SLAMF6: variants seen among roughly 807,000 people sequenced by gnomAD.
SLAMF6 encodes the protein NK-T-B-antigen.
Under a neutral mutation model 38.3 loss-of-function variants are expected in SLAMF6, and 21 were observed. That is an observed-to-expected ratio of 0.55 (90% CI 0.39 to 0.79). SLAMF6 has a LOEUF of 0.79. Ranked by LOEUF, SLAMF6 falls within the 30% of genes least tolerant of loss-of-function variation. SLAMF6 has a pLI of 0.00. For missense variants in SLAMF6, 341 were observed against 385.3 expected (o/e 0.89, Z 0.96); for synonymous variants, 152 against 146.3 (o/e 1.04, Z -0.28).
chr1:160,515,325 C>A (rs1473750407), intron 1 of SLAMF6, among the ~76,000 whole-genome samples: 1 of 152,034 alleles, frequency 6.6e-6, no homozygotes, highest in Non-Finnish European at 1.5e-5. Flanking sequence ...AAGCTGAATC[C>A]CTGAATAGAC....
intron 2 of SLAMF6, among the ~76,000 whole-genome samples, chr1:160,492,186 G>C (rs1252418061): frequency 1.3e-5 from 2 of 152,154 alleles, no homozygotes. Flanking sequence ...AGACAGAAAA[G>C]GCCACTGACT....
At chr1:160,499,937 A>T (rs1653796199) in intron 1 of SLAMF6, among the ~76,000 whole-genome samples, 1 of 152,244 alleles carries the variant, frequency 6.6e-6, no homozygotes, top group Non-Finnish European at 1.5e-5. Context: ...ACATGGGTGA[A>T]TACCACAAGC....
intron 1 of SLAMF6, among the ~76,000 whole-genome samples, chr1:160,502,323 T>C (rs921335364): frequency 2.0e-5 from 3 of 152,172 alleles, no homozygotes; most frequent in Admixed American, 2.0e-4. Flanking sequence ...AAGCTTTCCT[T>C]TGAGACTCTC....
At chr1:160,490,030 A>G in intron 5 of SLAMF6, 168 bp downstream of exon 5, 1 of 803,206 alleles carries the variant, frequency 1.2e-6, no homozygotes, top group Non-Finnish European at 2.1e-6. Flanking sequence ...CCTGTGAACC[A>G]TGTAGGACCC....
At position 160,486,723 on chromosome 1, in the gene SLAMF6, A is replaced by T; in HGVS notation, c.983T>A (p.Leu328His). ...TTCAGCAACTTACACGACATTGTCA[A>T]GGGCAGTTGCCCTGGAAAAAGTGGG... ...SKPTFSRATA[L>H]DNVV The change falls in exon 8 of 8, where the codon CTT (leucine) becomes CAT (histidine). Residue 328 changes from leucine (L) to histidine (H), a missense_variant. Transcript: ENST00000368057. 1 of 1,613,924 alleles carries T rather than the reference A, an allele frequency of 6.2e-7. No individual in the cohort carries two copies. The highest frequency in any genetic ancestry group is 1.7e-5 in the Admixed American group (1 of 60,002).
intron 5 of SLAMF6, 136 bp from the exon 6 acceptor site, chr1:160,489,306 G>T: frequency 1.3e-6 from 1 of 761,622 alleles, no homozygotes; most frequent in Non-Finnish European, 2.2e-6. Context: ...GGGATCATTC[G>T]TTCTTGACAG....
At chr1:160,492,122 C>G (rs910984222) in intron 2 of SLAMF6, among the ~76,000 whole-genome samples, 12 of 141,436 alleles carry the variant, frequency 8.5e-5, no homozygotes, top group African/African-American at 2.9e-4. Context: ...GAGCAAAGAC[C>G]AGGAAATATT....
intron 7 of SLAMF6, 88 bp downstream of exon 7, chr1:160,487,016 T>C: frequency 8.2e-7 from 1 of 1,214,544 alleles, no homozygotes. Context: ...ATCTGTAAAA[T>C]GACCCTTTTA....
At chr1:160,505,466 A>G in intron 1 of SLAMF6, among the ~76,000 whole-genome samples, 1 of 152,142 alleles carries the variant, frequency 6.6e-6, no homozygotes, top group East Asian at 1.9e-4. Context: ...CAGTGGTGTG[A>G]TCTCAGCTCA....
chr1:160,511,583 G>A (rs111859033), intron 1 of SLAMF6, among the ~76,000 whole-genome samples: 3,915 of 152,120 alleles, frequency 0.026, 103 homozygotes, highest in East Asian at 0.11. Context: ...AAAATGTATC[G>A]ATCACCTAAA....
chr1:160,488,951 C>A, intron 6 of SLAMF6, 137 bp downstream of exon 6: 1 of 752,664 alleles, frequency 1.3e-6, no homozygotes, highest in Middle Eastern at 2.3e-4. Flanking sequence ...TAGCGCATAA[C>A]TTTGCAGCCC....
intron 1 of SLAMF6, among the ~76,000 whole-genome samples, chr1:160,496,861 G>A (rs1315103337): frequency 6.6e-6 from 1 of 152,052 alleles, no homozygotes; most frequent in Non-Finnish European, 1.5e-5. Context: ...CTGGTAACAG[G>A]GACTAATATC....
Position 160,490,181 on chromosome 1 carries a change from A to G in SLAMF6, c.796+17T>C, listed in dbSNP as rs1653206971. 1 of 1,613,440 alleles carries G rather than the reference A, an allele frequency of 6.2e-7. No homozygotes were observed. ...CCATCTGCTTTATGATGGAGAGTTA[A>G]GAGTCTGAATGCTCACCGGGGCCCT... On this transcript the variant is annotated intron_variant, in intron 5 of 7. Coordinates refer to ENST00000368057, the MANE Select transcript of SLAMF6 (RefSeq NM_001184714.2).
chr1:160,521,232 T>A (rs1297750577), intron 1 of SLAMF6, among the ~76,000 whole-genome samples: 1 of 152,314 alleles, frequency 6.6e-6, no homozygotes, highest in African/African-American at 2.4e-5. Context: ...TCAGAACACC[T>A]GCATCTGCCT....
intron 1 of SLAMF6, among the ~76,000 whole-genome samples, chr1:160,498,705 C>T (rs1653725011): frequency 2.6e-5 from 4 of 152,074 alleles, no homozygotes; most frequent in Admixed American, 1.3e-4. Flanking sequence ...ATATCAAAAA[C>T]CAAACCAGCA....
rs375348240 is a variant in SLAMF6, at chr1:160,486,449, G to T, written c.*258C>A. 9 of 442,848 alleles carry T rather than the reference G, an allele frequency of 2.0e-5. No individual in the cohort carries two copies. In the South Asian group the frequency reaches 2.4e-4, roughly 12 times the overall value. 27.4% of individuals were successfully genotyped at this position (442,848 alleles called of 1,614,324 possible). Reference sequence around the variant, plus strand: ...TATCAAAGAGAGAGTCAATGTGCTGGTGTGTTATCTTTAGCATGTTTTGGC... The same window carrying T: ...TATCAAAGAGAGAGTCAATGTGCTGTTGTGTTATCTTTAGCATGTTTTGGC... On this transcript the variant is annotated 3_prime_UTR_variant, in exon 8 of 8. Coordinates refer to ENST00000368057, the MANE Select transcript of SLAMF6 (RefSeq NM_001184714.2).
chr1:160,489,733 T>A (rs561450222), intron 5 of SLAMF6, among the ~76,000 whole-genome samples: 8 of 152,330 alleles, frequency 5.3e-5, no homozygotes, highest in African/African-American at 1.9e-4. Context: ...ATGCATGAAA[T>A]GAGACCCAAA....
chr1:160,493,980 C>T (rs1234744443), intron 2 of SLAMF6, among the ~76,000 whole-genome samples: 1 of 152,134 alleles, frequency 6.6e-6, no homozygotes, highest in African/African-American at 2.4e-5. Context: ...CAGGTCCCTC[C>T]CTTGACATGT....
chr1:160,502,493 G>T (rs189857928), intron 1 of SLAMF6, among the ~76,000 whole-genome samples: 1 of 152,128 alleles, frequency 6.6e-6, no homozygotes, highest in Non-Finnish European at 1.5e-5. Context: ...ATCTTAGTCA[G>T]CATTGTATTT....
Sources: gnomAD v4.1 joint callset for allele counts (sites outside exome capture counted in the v4.1 genomes callset) on GRCh38, gnomAD v4.1.1 for gene constraint, MANE v1.5 for transcripts, NCBI Gene and HGNC (gene_info 2026-07-23, HGNC 2026-07-21) for gene names.